The following PRKACB variants were observed in gnomAD, a reference collection of about 807,000 sequenced individuals.
PRKACB encodes protein kinase cAMP-activated catalytic subunit beta.
PRKACB carries 16 observed loss-of-function variants against 51.4 expected under a neutral mutation model. The ratio of observed to expected loss-of-function variants is 0.31; its 90% CI spans 0.21 to 0.47. The LOEUF (loss-of-function observed/expected upper bound fraction) is 0.47. Among genes scored for constraint, PRKACB ranks in the 20% least tolerant of loss-of-function variants. PRKACB has a pLI of 1.00. For missense variants in PRKACB, 309 were observed against 464.5 expected (o/e 0.67, Z 3.08); for synonymous variants, 147 against 154.4 (o/e 0.95, Z 0.35).
At chr1:84,175,200 T>C (rs979680974) in intron 1 of PRKACB, 14 of 834,328 alleles carry the variant, frequency 1.7e-5, no homozygotes, top group Admixed American at 4.3e-5. Context: ...GGAAATAGTT[T>C]GTTTAGTTTT....
At chr1:84,088,876 T>A (rs1477964870) in intron 1 of PRKACB, among the ~76,000 whole-genome samples, 1 of 152,216 alleles carries the variant, frequency 6.6e-6, no homozygotes, top group Non-Finnish European at 1.5e-5. Flanking sequence ...CATACAATGA[T>A]ACATAGGTGC....
chr1:84,214,464 A>G (rs1191913170), intron 9 of PRKACB, 147 bp downstream of exon 9: 2 of 769,246 alleles, frequency 2.6e-6, no homozygotes, highest in Non-Finnish European at 3.7e-6. Context: ...TTTACAGCCC[A>G]TAACTTAAAA....
At chr1:84,229,675 A>T (rs1397202696) in intron 9 of PRKACB, among the ~76,000 whole-genome samples, 5 of 151,100 alleles carry the variant, frequency 3.3e-5, no homozygotes, top group Non-Finnish European at 7.4e-5. Flanking sequence ...CATTTCTCTG[A>T]TGGCCAGTGA....
intron 1 of PRKACB, among the ~76,000 whole-genome samples, chr1:84,090,668 A>G (rs1394180793): frequency 6.6e-6 from 1 of 152,164 alleles, no homozygotes; most frequent in Non-Finnish European, 1.5e-5. Flanking sequence ...TGGGCCCCAT[A>G]TCATGTGGCT....
intron 1 of PRKACB, among the ~76,000 whole-genome samples, chr1:84,123,687 T>G (rs940926833): frequency 6.6e-6 from 1 of 152,128 alleles, no homozygotes; most frequent in Non-Finnish European, 1.5e-5. Context: ...CTTAACCTCT[T>G]TGTCACTCTG....
chr1:84,186,400 G>A (rs1665121129), intron 5 of PRKACB, among the ~76,000 whole-genome samples: 1 of 151,704 alleles, frequency 6.6e-6, no homozygotes, highest in African/African-American at 2.4e-5. Flanking sequence ...TCTATTTTTG[G>A]TAGACACAGG....
In PRKACB at chr1:84,185,162, A is replaced by G; in HGVS notation, c.540A>G (p.Leu180=). The G allele has an allele frequency of 5.9e-6, 9 of 1,513,160 alleles. No individual in the cohort carries two copies. The highest frequency in any genetic ancestry group is 7.9e-6 in the Non-Finnish European group (9 of 1,134,998). 93.7% of individuals were successfully genotyped at this position (1,513,160 alleles called of 1,614,324 possible). A position where few individuals can be genotyped will look rare whatever the true frequency, so the allele number is the denominator to read the frequency against. ...YVPGGEMFSH[L]RRIGRFSEPH... ...CTGGGGGTGAAATGTTTTCACATCT[A>G]AGAAGAATTGGAAGGTTCAGGTAAC... is the stretch of plus-strand genomic sequence containing the variant. The change falls in exon 5 of 10, where the codon CTA becomes CTG. Residue 180 remains leucine, a synonymous_variant. Coordinates refer to ENST00000370685, the MANE Select transcript of PRKACB (RefSeq NM_182948.4).
chr1:84,129,437 C>A (rs944253003), intron 1 of PRKACB, among the ~76,000 whole-genome samples: 1 of 151,872 alleles, frequency 6.6e-6, no homozygotes, highest in Non-Finnish European at 1.5e-5. Flanking sequence ...ATAAAAATTA[C>A]ATTTTTTAAA....
chr1:84,092,772 A>G (rs2100777785), intron 1 of PRKACB, among the ~76,000 whole-genome samples: 1 of 152,146 alleles, frequency 6.6e-6, no homozygotes, highest in South Asian at 2.1e-4. Context: ...TTCTAATTAT[A>G]CCTATTCTGG....
chr1:84,174,989 T>A, intron 1 of PRKACB: 1 of 1,430,044 alleles, frequency 7.0e-7, no homozygotes. Context: ...TAATATGTTA[T>A]TCATATAATT....
intron 9 of PRKACB, among the ~76,000 whole-genome samples, chr1:84,226,888 G>C (rs1674698811): frequency 6.6e-6 from 1 of 152,128 alleles, no homozygotes; most frequent in Admixed American, 6.5e-5. Context: ...ATTTGGCTGA[G>C]ATAGGTATTC....
chr1:84,137,835 T>C (rs1652981152), intron 1 of PRKACB, among the ~76,000 whole-genome samples: 1 of 152,102 alleles, frequency 6.6e-6, no homozygotes, highest in Non-Finnish European at 1.5e-5. Flanking sequence ...TTCTCTCTAT[T>C]TGAGTAGGAT....
chr1:84,136,212 G>C (rs1652789192), intron 1 of PRKACB, among the ~76,000 whole-genome samples: 1 of 151,832 alleles, frequency 6.6e-6, no homozygotes, highest in South Asian at 2.1e-4. Context: ...TGCTTCTATA[G>C]CTTTTAAAAA....
At chr1:84,175,659 T>C (rs1048468588) in intron 1 of PRKACB, 20 of 633,288 alleles carry the variant, frequency 3.2e-5, no homozygotes, top group Non-Finnish European at 4.1e-5. Context: ...TATAAATACA[T>C]TGAAAAATTT....
At chr1:84,204,479 C>A (rs765806784) in intron 8 of PRKACB, 1 of 1,586,156 alleles carries the variant, frequency 6.3e-7, no homozygotes, top group Admixed American at 1.7e-5. Flanking sequence ...TTTCTCCCAG[C>A]AGAACTTTTG....
chr1:84,078,355 C>G (rs1285707552), exon 1 of PRKACB: 1 of 1,612,304 alleles, frequency 6.2e-7, no homozygotes, highest in Non-Finnish European at 8.5e-7. Context: ...CCAAGAAAGG[C>G]AGCGAGGTGG....
At chr1:84,136,224 T>C (rs1181198679) in intron 1 of PRKACB, among the ~76,000 whole-genome samples, 1 of 152,034 alleles carries the variant, frequency 6.6e-6, no homozygotes, top group East Asian at 1.9e-4. Context: ...TTTTAAAAAT[T>C]GAATCGATTA....
upstream of PRKACB, among the ~76,000 whole-genome samples, chr1:84,142,841 G>A (rs1653557635): frequency 1.3e-5 from 2 of 152,124 alleles, no homozygotes; most frequent in Admixed American, 1.3e-4. Context: ...GGCCTTTTAT[G>A]TAGTCCTAAT....
At chr1:84,169,623 A>C (rs1183587810) in intron 1 of PRKACB, among the ~76,000 whole-genome samples, 1 of 151,682 alleles carries the variant, frequency 6.6e-6, no homozygotes, top group African/African-American at 2.4e-5. Flanking sequence ...AAAGAAAATA[A>C]AAGGACATTT....
Sources: gnomAD v4.1 joint callset for allele counts (sites outside exome capture counted in the v4.1 genomes callset) on GRCh38, gnomAD v4.1.1 for gene constraint, MANE v1.5 for transcripts, NCBI Gene and HGNC (gene_info 2026-07-23, HGNC 2026-07-21) for gene names.